The following PACS1 variants were observed in gnomAD, a reference collection of about 807,000 sequenced individuals.
The protein encoded by PACS1 is phosphofurin acidic cluster sorting protein 1, also known as PACS-1.
In PACS1, 24 loss-of-function variants were observed where a neutral mutation model predicts 115.0. The observed-to-expected ratio is 0.21, with a 90% CI of 0.15 to 0.29. The LOEUF (loss-of-function observed/expected upper bound fraction) is 0.29. PACS1 is among the 10% of genes least tolerant of loss of function. PACS1 has a pLI of 1.00. For missense variants in PACS1, 838 were observed against 1,251.2 expected (o/e 0.67, Z 4.98); for synonymous variants, 453 against 504.5 (o/e 0.90, Z 1.37).
At chr11:66,192,358 G>A (rs1218555163) in intron 1 of PACS1, among the ~76,000 whole-genome samples, 1 of 152,202 alleles carries the variant, frequency 6.6e-6, no homozygotes, top group Non-Finnish European at 1.5e-5. Context: ...GCAAGGCATC[G>A]GGGGAAGTTC....
chr11:66,182,555 C>T (rs548197047), intron 1 of PACS1, among the ~76,000 whole-genome samples: 1 of 152,194 alleles, frequency 6.6e-6, no homozygotes, highest in African/African-American at 2.4e-5. Context: ...TCTCATCTCC[C>T]AGGTTCATGT....
intron 4 of PACS1, among the ~76,000 whole-genome samples, chr11:66,212,322 C>T (rs566723761): frequency 5.1e-4 from 76 of 150,110 alleles, no homozygotes; most frequent in African/African-American, 1.2e-3. Flanking sequence ...TTAGTAGAGA[C>T]GGGGTTTCAC....
chr11:66,229,907 A>T (rs1265633547), intron 11 of PACS1, among the ~76,000 whole-genome samples: 1 of 151,702 alleles, frequency 6.6e-6, no homozygotes. Flanking sequence ...GGTTGCGCCA[A>T]GATTGTGCCA....
At chr11:66,118,277 A>G (rs1858352460) in intron 1 of PACS1, among the ~76,000 whole-genome samples, 1 of 152,246 alleles carries the variant, frequency 6.6e-6, no homozygotes, top group Non-Finnish European at 1.5e-5. Flanking sequence ...GCCACTATCA[A>G]GACCTTGAGC....
rs1467021492 is a variant in PACS1 at position 66,243,018 on chromosome 11, G to C, written c.2763G>C (p.Gln921His). The change falls in exon 23 of 24, where the codon CAG becomes CAC. Residue 921 changes from glutamine (Q) to histidine (H), a missense_variant. Around this residue, in one of 6 missense-constraint regions of PACS1, gnomAD observed 84 missense variants for 187.1 expected, o/e 0.45. Transcript: ENST00000320580. ...TCATCTGCTCAGCCAAGCAGCAGCA[G>C]ACTATGCTGAGAGGTGCGAGGGCAG... is the stretch of plus-strand genomic sequence containing the variant. ...SRLICSAKQQ[Q>H]TMLRVSIDGV... is the part of the protein sequence containing the mutation. 1 of 1,614,016 alleles carries C rather than the reference G, an allele frequency of 6.2e-7. No individual in the cohort carries two copies. Among genetic ancestry groups the C allele is most frequent in the Non-Finnish European group, 8.5e-7 (1 of 1,179,956 alleles).
intron 1 of PACS1, among the ~76,000 whole-genome samples, chr11:66,120,533 A>G (rs55982441): frequency 3.3e-5 from 5 of 152,186 alleles, no homozygotes; most frequent in Non-Finnish European, 7.3e-5. Context: ...TTTGAATTAC[A>G]TGCAATTATA....
chr11:66,182,034 C>T (rs1860023790), intron 1 of PACS1, among the ~76,000 whole-genome samples: 1 of 152,230 alleles, frequency 6.6e-6, no homozygotes, highest in Non-Finnish European at 1.5e-5. Context: ...AGAAAGCTTA[C>T]ATTTAAGTCT....
At chr11:66,222,975 G>A (rs1254281421) in intron 10 of PACS1, among the ~76,000 whole-genome samples, 1 of 138,324 alleles carries the variant, frequency 7.2e-6, no homozygotes, top group Admixed American at 8.3e-5. Flanking sequence ...CCCCAGCCCT[G>A]CCCCTGCAGA....
At chr11:66,135,907 T>A (rs540225396) in intron 1 of PACS1, among the ~76,000 whole-genome samples, 1 of 152,106 alleles carries the variant, frequency 6.6e-6, no homozygotes, top group African/African-American at 2.4e-5. Flanking sequence ...TCCACCCCAC[T>A]TGGCCTCCCA....
chr11:66,214,560 TCTTC>T (rs1035839356), intron 4 of PACS1, among the ~76,000 whole-genome samples: 4 of 134,248 alleles, frequency 3.0e-5, no homozygotes, highest in African/African-American at 5.4e-5. Flanking sequence ...CCTCCCTCCA[TCTTC>T]CTTCCTTCCT....
intron 1 of PACS1, among the ~76,000 whole-genome samples, chr11:66,086,427 C>T (rs1036329147): frequency 2.6e-5 from 4 of 151,946 alleles, no homozygotes; most frequent in Middle Eastern, 3.2e-3. Flanking sequence ...CGTGAGCCAC[C>T]GCGCCCGGCC....
chr11:66,113,346 C>A (rs1313917211), intron 1 of PACS1, among the ~76,000 whole-genome samples: 3 of 152,298 alleles, frequency 2.0e-5, no homozygotes, highest in Middle Eastern at 3.4e-3. Flanking sequence ...ATTCCTGTTT[C>A]TGAATCAGTT....
intron 2 of PACS1, among the ~76,000 whole-genome samples, chr11:66,194,388 G>A (rs1222905042): frequency 6.6e-6 from 1 of 152,134 alleles, no homozygotes; most frequent in Non-Finnish European, 1.5e-5. Flanking sequence ...CTTACATTTG[G>A]TATATTCAAG....
chr11:66,197,783 C>T (rs1042878529), intron 2 of PACS1, among the ~76,000 whole-genome samples: 1 of 152,144 alleles, frequency 6.6e-6, no homozygotes, highest in African/African-American at 2.4e-5. Flanking sequence ...CAGAACGAGA[C>T]CTTGTCTCTA....
chr11:66,112,207 T>TC (rs747923892), intron 1 of PACS1, among the ~76,000 whole-genome samples: 1 of 151,906 alleles, frequency 6.6e-6, no homozygotes, highest in Non-Finnish European at 1.5e-5. Context: ...AACCCAGACT[T>TC]CTTCTCCTGG....
At chr11:66,204,571 A>G (rs1854888543) in intron 2 of PACS1, among the ~76,000 whole-genome samples, 1 of 152,212 alleles carries the variant, frequency 6.6e-6, no homozygotes, top group Admixed American at 6.5e-5. Flanking sequence ...CAACAGACAA[A>G]CTGATAAAGA....
chr11:66,115,032 C>T (rs1858273778), intron 1 of PACS1, among the ~76,000 whole-genome samples: 1 of 151,344 alleles, frequency 6.6e-6, no homozygotes, highest in South Asian at 2.1e-4. Context: ...TAGGGAGACC[C>T]CATCTCTACA....
chr11:66,184,508 G>T (rs973248369), intron 1 of PACS1, among the ~76,000 whole-genome samples: 2 of 152,128 alleles, frequency 1.3e-5, no homozygotes, highest in African/African-American at 4.8e-5. Flanking sequence ...GAATTATTTA[G>T]AAGGTTTCAA....
intron 1 of PACS1, among the ~76,000 whole-genome samples, chr11:66,178,639 A>G (rs899859969): frequency 6.6e-6 from 1 of 152,160 alleles, no homozygotes; most frequent in Non-Finnish European, 1.5e-5. Context: ...TAATAAAATT[A>G]AAATAAAAAT....
Sources: gnomAD v4.1 joint callset for allele counts (sites outside exome capture counted in the v4.1 genomes callset) on GRCh38, gnomAD v4.1.1 for gene constraint, gnomAD v4.1.1 regional missense constraint, MANE v1.5 for transcripts, NCBI Gene and HGNC (gene_info 2026-07-23, HGNC 2026-07-21) for gene names.